Variants in QTRT2 observed in about 807,000 individuals in gnomAD.
QTRT2 encodes queuine tRNA-ribosyltransferase accessory subunit 2.
Under a neutral mutation model 44.8 loss-of-function variants are expected in QTRT2, and 32 were observed. The ratio of observed to expected loss-of-function variants is 0.71; its 90% CI spans 0.54 to 0.96. The LOEUF (loss-of-function observed/expected upper bound fraction) is 0.96. Among genes scored for constraint, QTRT2 ranks in the 40% least tolerant of loss-of-function variants. The pLI, the probability that QTRT2 is intolerant of heterozygous loss-of-function variation, is 0.00. For missense variants in QTRT2, 461 were observed against 503.1 expected, an observed-to-expected ratio of 0.92 and a Z score of 0.80; for synonymous variants, 182 against 187.4, an observed-to-expected ratio of 0.97 and a Z score of 0.24.
At chr3:114,057,157 C>A in intron 2 of QTRT2, 51 bp downstream of exon 2, 5 of 1,009,450 alleles carry the variant, frequency 5.0e-6, no homozygotes, top group Non-Finnish European at 5.1e-6. Flanking sequence ...GAGGGTGGGA[C>A]CGTCTTCAAT....
rs766224793 is a variant in QTRT2, at chr3:114,065,438, C to T, written c.181C>T (p.Gln61Ter). ...HNIHGVPAMA[Q>*]LTLSSLAEHH... ...TATCCACGGGGTTCCTGCCATGGCT[C>T]AGCTTACGCTGTCATCCCTGTAAGT... is the stretch of plus-strand genomic sequence containing the variant. The change falls in exon 3 of 10, where the codon CAG becomes TAG. Residue 61 changes from glutamine to a stop codon, truncating the protein, a stop_gained. Transcript: ENST00000281273. LOFTEE classifies it high-confidence loss of function. 344 of 1,613,522 alleles carry T rather than the reference C, an allele frequency of 2.1e-4. No individual in the cohort carries two copies. The highest frequency in any genetic ancestry group is 2.8e-4 in the Non-Finnish European group (330 of 1,179,694).
chr3:114,082,067 GT>G (rs1185412181), intron 8 of QTRT2, among the ~76,000 whole-genome samples: 1 of 152,080 alleles, frequency 6.6e-6, no homozygotes, highest in African/African-American at 2.4e-5. Flanking sequence ...TGTAGTCTGG[GT>G]TCCCTAGAGG....
At chr3:114,067,618 C>G (rs1028709660) in intron 4 of QTRT2, among the ~76,000 whole-genome samples, 15 of 152,194 alleles carry the variant, frequency 9.9e-5, no homozygotes, top group Middle Eastern at 3.4e-3. Context: ...TTTATCTTTG[C>G]GGTAGCTAGT....
chr3:114,060,541 TAGATA>T (rs1229032682), intron 2 of QTRT2, among the ~76,000 whole-genome samples: 8 of 144,706 alleles, frequency 5.5e-5, no homozygotes, highest in South Asian at 4.4e-4. Flanking sequence ...GATAGATAGA[TAGATA>T]AGATAGATTA....
intron 2 of QTRT2, among the ~76,000 whole-genome samples, chr3:114,058,542 C>CT (rs964978961): frequency 1.3e-5 from 2 of 151,894 alleles, no homozygotes; most frequent in African/African-American, 2.4e-5. Flanking sequence ...TTCTTCATTT[C>CT]TTTTTTTTGA....
At chr3:114,083,305 TTGCTGC>T (rs902392191) in intron 9 of QTRT2, among the ~76,000 whole-genome samples, 8 of 112,580 alleles carry the variant, frequency 7.1e-5, no homozygotes, top group African/African-American at 1.4e-4. Context: ...GTTGTTGCTG[TTGCTGC>T]TGCTGTTGTT....
chr3:114,077,358 C>A (rs1053826958), intron 7 of QTRT2: 1 of 167,054 alleles, frequency 6.0e-6, no homozygotes, highest in African/African-American at 2.4e-5. Context: ...ATGAGCTCCA[C>A]CAACAAGAAC....
chr3:114,074,170 T>A (rs988097399), intron 6 of QTRT2, among the ~76,000 whole-genome samples: 1 of 152,192 alleles, frequency 6.6e-6, no homozygotes, highest in Non-Finnish European at 1.5e-5. Flanking sequence ...CATGTTTGTA[T>A]CACACATAGC....
chr3:114,078,116 TC>T (rs998512957), intron 7 of QTRT2: 1 of 152,268 alleles, frequency 6.6e-6, no homozygotes, highest in Non-Finnish European at 1.5e-5. Flanking sequence ...ACAAGGTATT[TC>T]CATCACCTTA....
intron 2 of QTRT2, among the ~76,000 whole-genome samples, chr3:114,064,080 C>T (rs1008645976): frequency 3.3e-5 from 5 of 151,868 alleles, no homozygotes; most frequent in African/African-American, 4.8e-5. Context: ...CTGGGCATGG[C>T]GGCACACACC....
At chr3:114,080,208 G>T in intron 8 of QTRT2, 151 bp downstream of exon 8, 2 of 601,298 alleles carry the variant, frequency 3.3e-6, no homozygotes, top group Non-Finnish European at 5.7e-6. Flanking sequence ...CTGGCATGTT[G>T]GCACACAAAT....
chr3:114,067,798 T>G (rs2076973102), intron 4 of QTRT2, among the ~76,000 whole-genome samples, 189 bp from the exon 5 acceptor site: 1 of 152,220 alleles, frequency 6.6e-6, no homozygotes, highest in African/African-American at 2.4e-5. Flanking sequence ...TTTATATTTC[T>G]TTCTTTAGAT....
At position 114,070,647 on chromosome 3, in the gene QTRT2, G is replaced by T. The variant is rs1559954019; in HGVS notation, c.355G>T (p.Ala119Ser). ...TNKSVSVWSV[A>S]GRVEMTVSKF... ...GCAGTCTGTGTCTGTGTGGAGTGTT[G>T]CAGGACGAGTGGAAATGACTGTTTC... The change falls in exon 6 of 10, where the codon GCA becomes TCA. Residue 119 changes from alanine to serine, a missense_variant. Physicochemically the swap from Ala to Ser is moderately conservative, Grantham distance 99 (BLOSUM62 1). Transcript: ENST00000281273. 6.2e-7 allele frequency: 1 copy of T among 1,614,094 alleles called. No individual in the cohort carries two copies. Among genetic ancestry groups the T allele is most frequent in the East Asian group, 2.2e-5 (1 of 44,890 alleles).
At chr3:114,079,844 G>A (rs898341514) in intron 7 of QTRT2, 62 bp from the exon 8 acceptor site, 2 of 1,511,722 alleles carry the variant, frequency 1.3e-6, no homozygotes, top group Non-Finnish European at 1.8e-6. Flanking sequence ...TCATTAAAAG[G>A]ACTTTCTGAT....
intron 2 of QTRT2, among the ~76,000 whole-genome samples, chr3:114,062,499 T>C (rs1020617472): frequency 1.4e-4 from 22 of 151,774 alleles, no homozygotes; most frequent in African/African-American, 4.8e-4. Context: ...GAAGGGGTGA[T>C]GTGGTGATGA....
chr3:114,075,299 T>A lies in QTRT2; in HGVS notation c.547-1444T>A, dbSNP rs573248795. On this transcript the variant is annotated intron_variant, in intron 6 of 9. Coordinates refer to ENST00000281273, the MANE Select transcript of QTRT2 (RefSeq NM_024638.4). ...TACCTTACTAACAAGGTTTAGTAGT[T>A]CTTCATACGTGTATAGGGCATTCAC... 1.1e-4 allele frequency among the ~76,000 whole-genome samples: 16 copies of A among 152,336 alleles called. No homozygotes were observed. The East Asian group carries it at 3.1e-3, about 29-fold the overall frequency.
intron 2 of QTRT2, among the ~76,000 whole-genome samples, chr3:114,059,978 G>C (rs1015753462): frequency 6.6e-6 from 1 of 152,332 alleles, no homozygotes. Flanking sequence ...TGGGATTAAA[G>C]CATTATATCA....
intron 5 of QTRT2, among the ~76,000 whole-genome samples, chr3:114,069,568 C>T (rs575068209): frequency 5.9e-5 from 9 of 152,292 alleles, no homozygotes; most frequent in South Asian, 2.1e-4. Flanking sequence ...CTGCAAAAGA[C>T]GTGACCTCAT....
At chr3:114,075,212 T>G (rs1285729519) in intron 6 of QTRT2, among the ~76,000 whole-genome samples, 1 of 152,244 alleles carries the variant, frequency 6.6e-6, no homozygotes, top group Non-Finnish European at 1.5e-5. Context: ...TTGTTATCTA[T>G]GTTTTAACCT....
Sources: gnomAD v4.1 joint callset for allele counts (sites outside exome capture counted in the v4.1 genomes callset) on GRCh38, gnomAD v4.1.1 for gene constraint, MANE v1.5 for transcripts, NCBI Gene and HGNC (gene_info 2026-07-23, HGNC 2026-07-21) for gene names.